Variants in FARS2 observed in about 807,000 individuals in gnomAD.
FARS2 encodes the protein phenylalanine--tRNA ligase, mitochondrial.
FARS2 carries 40 observed loss-of-function variants against 46.4 expected under a neutral mutation model. That is an observed-to-expected ratio of 0.86 (90% confidence interval 0.67 to 1.12). The LOEUF (loss-of-function observed/expected upper bound fraction) is 1.12, where lower values mean the gene tolerates loss of function less well. FARS2 is among the 50% of genes most tolerant of loss of function. The pLI is 0.00. For synonymous variants in FARS2, 234 were observed against 214.9 expected, an observed-to-expected ratio of 1.09 and a Z score of -0.78; for missense variants, 513 against 567.9, an observed-to-expected ratio of 0.90 and a Z score of 0.98.
chr6:5,577,154 C>T (rs986472623), intron 5 of FARS2, among the ~76,000 whole-genome samples: 2 of 151,994 alleles, frequency 1.3e-5, no homozygotes, highest in Admixed American at 1.3e-4. Flanking sequence ...CTGAAGTTAC[C>T]TTCTATTAAT....
chr6:5,762,247 A>G (rs1762517173), intron 6 of FARS2, among the ~76,000 whole-genome samples: 1 of 152,042 alleles, frequency 6.6e-6, no homozygotes, highest in Non-Finnish European at 1.5e-5. Flanking sequence ...TTACCTATAC[A>G]TTTTTTTCAT....
At chr6:5,634,349 C>G (rs1037174028) in intron 6 of FARS2, among the ~76,000 whole-genome samples, 2 of 152,190 alleles carry the variant, frequency 1.3e-5, no homozygotes, top group Admixed American at 6.5e-5. Context: ...GTCACCCAGG[C>G]TGGAGGGCAG....
At chr6:5,554,757 A>G (rs1471956691) in intron 5 of FARS2, among the ~76,000 whole-genome samples, 2 of 152,196 alleles carry the variant, frequency 1.3e-5, no homozygotes, top group Admixed American at 1.3e-4. Flanking sequence ...AGCGTCAGCA[A>G]GTAGTTCAAC....
At chr6:5,450,423 G>T (rs967680693) in intron 4 of FARS2, among the ~76,000 whole-genome samples, 4 of 151,940 alleles carry the variant, frequency 2.6e-5, no homozygotes, top group Admixed American at 6.6e-5. Flanking sequence ...CCAAGTGGTA[G>T]GCATTTGGGT....
Position 5,365,640 on chromosome 6 carries a change from C to G in FARS2, c.-21-2910C>G, listed in dbSNP as rs574625033. Among the ~76,000 whole-genome samples, 10 of 151,420 alleles carry G rather than the reference C, an allele frequency of 6.6e-5. No individual in the cohort carries two copies. In the South Asian group the frequency reaches 2.1e-3, roughly 32 times the overall value. On this transcript the variant is annotated intron_variant, in intron 1 of 6. Transcript: ENST00000274680. ...GTGTTAGGATCATAGGCGTGAGCCACCACACCCTACTGAGAAATGCACTTG... is the reference window on the plus strand; with the variant it reads ...GTGTTAGGATCATAGGCGTGAGCCAGCACACCCTACTGAGAAATGCACTTG...
intron 3 of FARS2, among the ~76,000 whole-genome samples, chr6:5,406,816 A>G (rs1271887056): frequency 2.0e-5 from 3 of 151,538 alleles, no homozygotes; most frequent in East Asian, 1.9e-4. Flanking sequence ...CTGCTAAGCT[A>G]TTATCTGAAG....
chr6:5,522,790 T>C (rs1419279288), intron 4 of FARS2, among the ~76,000 whole-genome samples: 1 of 152,266 alleles, frequency 6.6e-6, no homozygotes, highest in Non-Finnish European at 1.5e-5. Flanking sequence ...AAATTGGACC[T>C]ATTTAACCCA....
Position 5,347,346 on chromosome 6 carries a change from G to T in FARS2, c.-21-21204G>T, listed in dbSNP as rs79189764. On this transcript the variant is annotated intron_variant, in intron 1 of 6. Coordinates refer to ENST00000274680, the MANE Select transcript of FARS2 (RefSeq NM_006567.5). Reference sequence around the variant, plus strand: ...CAGTCTTCATTCACACCATCTAGAAGTCGGTATTGTTCTGATTTTTTTCCA... The same window carrying T: ...CAGTCTTCATTCACACCATCTAGAATTCGGTATTGTTCTGATTTTTTTCCA... Among the ~76,000 whole-genome samples, 602 of 152,212 alleles carry T rather than the reference G, an allele frequency of 4.0e-3. 6 individuals are homozygous for T. The highest frequency in any genetic ancestry group is 0.014 in the African/African-American group (575 of 41,530).
intron 6 of FARS2, among the ~76,000 whole-genome samples, chr6:5,687,707 TTAAAG>T (rs1757352903): frequency 2.0e-5 from 3 of 152,226 alleles, no homozygotes; most frequent in Admixed American, 2.0e-4. Flanking sequence ...CATATGAACT[TTAAAG>T]TAGTTTTTTT....
Position 5,303,307 on chromosome 6 carries a change from A to G in FARS2, c.-22+41647A>G, listed in dbSNP as rs114815658. 4.0e-3 allele frequency among the ~76,000 whole-genome samples: 608 copies of G among 152,312 alleles called. 2 individuals carry two copies. The highest frequency in any genetic ancestry group is 0.014 in the African/African-American group (586 of 41,562). The stretch of plus-strand genomic sequence containing the variant: ...ACATAGAGATGAAGGGCAAGAATGC[A>G]AGAGCAGCACCTGGGACTGACTGGT... On this transcript the variant is annotated intron_variant, in intron 1 of 6. Coordinates refer to ENST00000274680, the MANE Select transcript of FARS2 (RefSeq NM_006567.5).
At chr6:5,338,710 T>C (rs73718072) in intron 1 of FARS2, among the ~76,000 whole-genome samples, 207 of 152,258 alleles carry the variant, frequency 1.4e-3, no homozygotes, top group African/African-American at 4.6e-3. Flanking sequence ...TTTCATTCTG[T>C]GTATGTGAGA....
At chr6:5,665,183 C>T (rs73718350) in intron 6 of FARS2, 2 of 152,260 alleles carry the variant, frequency 1.3e-5, no homozygotes, top group African/African-American at 2.4e-5. Flanking sequence ...CCAAAAACCC[C>T]GATGGCCAGG....
chr6:5,608,599 T>C (rs1323051745), intron 5 of FARS2, among the ~76,000 whole-genome samples: 1 of 138,528 alleles, frequency 7.2e-6, no homozygotes, highest in Non-Finnish European at 1.6e-5. Flanking sequence ...TTTTATCTGG[T>C]TCCAGATTCA....
At chr6:5,410,930 A>G (rs1376387286) in intron 3 of FARS2, among the ~76,000 whole-genome samples, 1 of 152,210 alleles carries the variant, frequency 6.6e-6, no homozygotes, top group Non-Finnish European at 1.5e-5. Flanking sequence ...ACCTAGACAC[A>G]GAGAAAAAGT....
chr6:5,700,856 A>T (rs1758388637), intron 6 of FARS2, among the ~76,000 whole-genome samples: 1 of 152,198 alleles, frequency 6.6e-6, no homozygotes, highest in Admixed American at 6.5e-5. Context: ...AGCAGTTCAG[A>T]GAGTCCTGTC....
intron 3 of FARS2, among the ~76,000 whole-genome samples, chr6:5,428,520 G>A (rs1762974027): frequency 6.6e-6 from 1 of 152,126 alleles, no homozygotes; most frequent in Admixed American, 6.5e-5. Context: ...GTTCCAAACT[G>A]TTGTCATAAA....
intron 6 of FARS2, among the ~76,000 whole-genome samples, chr6:5,756,614 C>T (rs893087163): frequency 2.0e-5 from 3 of 152,188 alleles, no homozygotes; most frequent in African/African-American, 7.2e-5. Context: ...CCAATCACTT[C>T]CCACCAGATC....
At chr6:5,443,706 G>C (rs934450020) in intron 4 of FARS2, among the ~76,000 whole-genome samples, 4 of 152,192 alleles carry the variant, frequency 2.6e-5, no homozygotes, top group Admixed American at 2.0e-4. Context: ...GGTGGTTGTT[G>C]CATGCCACTG....
chr6:5,517,273 C>G (rs1276520019), intron 4 of FARS2, among the ~76,000 whole-genome samples: 1 of 152,154 alleles, frequency 6.6e-6, no homozygotes. Flanking sequence ...CTAGTGAACA[C>G]TTGAAATATG....
Sources: gnomAD v4.1 joint callset for allele counts (sites outside exome capture counted in the v4.1 genomes callset) on GRCh38, gnomAD v4.1.1 for gene constraint, MANE v1.5 for transcripts, NCBI Gene and HGNC (gene_info 2026-07-23, HGNC 2026-07-21) for gene names.